Variants in NR3C2 observed in about 807,000 individuals in gnomAD.
The protein encoded by NR3C2 is nuclear receptor subfamily 3 group C member 2.
In NR3C2, 15 loss-of-function variants were observed where a neutral mutation model predicts 86.4. That is an observed-to-expected ratio of 0.17 (90% CI 0.12 to 0.27). The LOEUF (loss-of-function observed/expected upper bound fraction) is 0.27, where lower values mean the gene tolerates loss of function less well. NR3C2 is among the 10% of genes least tolerant of loss of function. The pLI is 1.00. For missense variants in NR3C2, 960 were observed against 1,195.6 expected (o/e 0.80, Z 2.91); for synonymous variants, 458 against 450.5 (o/e 1.02, Z -0.21).
chr4:148,146,519 T>A (rs1296628767), intron 6 of NR3C2: 2 of 152,514 alleles, frequency 1.3e-5, no homozygotes, highest in Non-Finnish European at 2.9e-5. Context: ...GCCAGCACAC[T>A]GACCCAGCGA....
At chr4:148,201,586 T>C (rs1736721141) in intron 3 of NR3C2, among the ~76,000 whole-genome samples, 2 of 152,192 alleles carry the variant, frequency 1.3e-5, no homozygotes, top group African/African-American at 4.8e-5. Context: ...CAAACACCAT[T>C]GCTACAGACA....
Position 148,099,661 on chromosome 4 carries a change from A to G in NR3C2, c.2799+14443T>C, listed in dbSNP as rs140413612. Among the ~76,000 whole-genome samples, 274 of 152,350 alleles carry G rather than the reference A, an allele frequency of 1.8e-3. 1 individual carries two copies. The highest frequency in any genetic ancestry group is 6.1e-3 in the African/African-American group (252 of 41,584). On this transcript the variant is annotated intron_variant, in intron 8 of 8. Transcript: ENST00000358102. ...GACAGGACTTAGAAAGAAAGACACT[A>G]TGTAAATCCCAGGTATTACACAGTT... is the stretch of plus-strand genomic sequence containing the variant.
At chr4:148,396,068 A>G (rs61756938) in intron 2 of NR3C2, among the ~76,000 whole-genome samples, 1 of 152,220 alleles carries the variant, frequency 6.6e-6, no homozygotes, top group Non-Finnish European at 1.5e-5. Context: ...GGTCAGTACC[A>G]TCTATTTAAG....
intron 2 of NR3C2, among the ~76,000 whole-genome samples, chr4:148,336,263 T>C (rs931679147): frequency 6.6e-6 from 1 of 152,074 alleles, no homozygotes; most frequent in Non-Finnish European, 1.5e-5. Flanking sequence ...AGGGAAGACC[T>C]AAGGCAGTGG....
intron 2 of NR3C2, among the ~76,000 whole-genome samples, chr4:148,318,089 C>T (rs542134616): frequency 6.0e-4 from 88 of 146,118 alleles, no homozygotes; most frequent in African/African-American, 2.0e-3. Flanking sequence ...TGTGATCTTA[C>T]TGTTCAATTC....
chr4:148,215,913 G>T (rs373748474), intron 3 of NR3C2, among the ~76,000 whole-genome samples: 2 of 151,618 alleles, frequency 1.3e-5, no homozygotes, highest in South Asian at 2.1e-4. Context: ...CTGAGTAGCT[G>T]GGACTATAGG....
At position 148,080,759 on chromosome 4, in the gene NR3C2, G is replaced by A. The variant is rs1307622636; in HGVS notation, c.*585C>T. On this transcript the variant is annotated 3_prime_UTR_variant, in exon 9 of 9. Coordinates refer to ENST00000358102, the MANE Select transcript of NR3C2 (RefSeq NM_000901.5). Reference sequence around the variant, plus strand: ...AATTAAATAAGAAATGGACGCTAACGAGTGTGTATACCAGTGATGCAGAAG... The same window carrying A: ...AATTAAATAAGAAATGGACGCTAACAAGTGTGTATACCAGTGATGCAGAAG... 1 of 361,866 alleles carries A rather than the reference G, an allele frequency of 2.8e-6. No homozygotes were observed. Among genetic ancestry groups the A allele is most frequent in the Non-Finnish European group, 5.8e-6 (1 of 172,752 alleles). 22.4% of individuals were successfully genotyped at this position (361,866 alleles called of 1,614,324 possible). A position where few individuals can be genotyped will look rare whatever the true frequency, so the allele number is the denominator to read the frequency against.
chr4:148,142,123 C>T (rs943355244), intron 6 of NR3C2, among the ~76,000 whole-genome samples: 5 of 152,100 alleles, frequency 3.3e-5, no homozygotes, highest in Non-Finnish European at 7.4e-5. Flanking sequence ...GGAGTATATG[C>T]GGAGAAGCAG....
chr4:148,175,080 T>G (rs1735310126), intron 4 of NR3C2, among the ~76,000 whole-genome samples: 1 of 152,200 alleles, frequency 6.6e-6, no homozygotes, highest in African/African-American at 2.4e-5. Flanking sequence ...AACATCGTAT[T>G]CAGGGACTTC....
intron 6 of NR3C2, among the ~76,000 whole-genome samples, chr4:148,151,643 T>G (rs909132828): frequency 6.6e-6 from 1 of 152,336 alleles, no homozygotes; most frequent in Admixed American, 6.5e-5. Flanking sequence ...TTTGCATTAC[T>G]TTTCTTGCTT....
intron 2 of NR3C2, among the ~76,000 whole-genome samples, chr4:148,262,709 A>G (rs1362799294): frequency 6.6e-6 from 1 of 152,120 alleles, no homozygotes; most frequent in East Asian, 1.9e-4. Context: ...CCAATCTAAT[A>G]GGACTGATGT....
chr4:148,272,546 A>G (rs28372032), intron 2 of NR3C2, among the ~76,000 whole-genome samples: 77,387 of 151,982 alleles, frequency 0.51, 21,098 homozygotes, highest in African/African-American at 0.71. Flanking sequence ...GTGACATGTG[A>G]TAGTCCTTCA....
At chr4:148,194,222 C>T (rs1208765964) in intron 4 of NR3C2, among the ~76,000 whole-genome samples, 3 of 152,160 alleles carry the variant, frequency 2.0e-5, no homozygotes, top group African/African-American at 2.4e-5. Flanking sequence ...CTTGAGGATG[C>T]TGAGTCTTCC....
chr4:148,193,380 G>A (rs62331993), intron 4 of NR3C2, among the ~76,000 whole-genome samples: 10,408 of 152,254 alleles, frequency 0.068, 504 homozygotes, highest in Middle Eastern at 0.12. Context: ...AGGGTCTGTG[G>A]GTCCTCTCGG....
chr4:148,219,829 A>C (rs1056263291), intron 3 of NR3C2, among the ~76,000 whole-genome samples: 4 of 152,208 alleles, frequency 2.6e-5, no homozygotes, highest in African/African-American at 9.7e-5. Context: ...TTTTTAAAGG[A>C]ATTAACATAC....
At chr4:148,367,643 A>G (rs2126358821) in intron 2 of NR3C2, among the ~76,000 whole-genome samples, 1 of 152,268 alleles carries the variant, frequency 6.6e-6, no homozygotes, top group South Asian at 2.1e-4. Context: ...CCAACCTAAT[A>G]TCCATAAAAT....
intron 2 of NR3C2, among the ~76,000 whole-genome samples, chr4:148,309,448 T>C (rs1382130781): frequency 6.7e-6 from 1 of 149,864 alleles, no homozygotes; most frequent in African/African-American, 2.5e-5. Context: ...ACTTCAGAAA[T>C]CTTCATATTC....
chr4:148,203,823 T>TG (rs1736859570), intron 3 of NR3C2, among the ~76,000 whole-genome samples: 1 of 152,106 alleles, frequency 6.6e-6, no homozygotes, highest in African/African-American at 2.4e-5. Context: ...AATGATCCCC[T>TG]GCTGCTGAGG....
At chr4:148,389,766 T>C (rs1026281500) in intron 2 of NR3C2, among the ~76,000 whole-genome samples, 2 of 152,134 alleles carry the variant, frequency 1.3e-5, no homozygotes, top group African/African-American at 4.8e-5. Context: ...GTCTTACATA[T>C]ACATTATTTC....
Sources: gnomAD v4.1 joint callset for allele counts (sites outside exome capture counted in the v4.1 genomes callset) on GRCh38, gnomAD v4.1.1 for gene constraint, MANE v1.5 for transcripts, NCBI Gene and HGNC (gene_info 2026-07-23, HGNC 2026-07-21) for gene names.